The following ENOX2 variants were observed in gnomAD, a reference collection of about 807,000 sequenced individuals.
ENOX2 encodes the protein APK1 antigen.
Under a neutral mutation model 45.0 loss-of-function variants are expected in ENOX2, and 36 were observed. The observed-to-expected ratio is 0.80, with a 90% CI of 0.61 to 1.06. ENOX2 has a LOEUF of 1.06. ENOX2 is among the 50% of genes least tolerant of loss of function. The probability of loss-of-function intolerance (pLI) is 0.00; values close to 1 mark genes in which losing one functional copy is unlikely to be tolerated. For missense variants in ENOX2, 423 were observed against 462.5 expected (o/e 0.91, Z 0.78); for synonymous variants, 174 against 152.3 (o/e 1.14, Z -1.05).
chrX:130,712,677 TG>T (rs1038677929), intron 3 of ENOX2, among the ~76,000 whole-genome samples: 5 of 111,760 alleles, frequency 4.5e-5, no homozygotes, highest in African/African-American at 1.6e-4. Flanking sequence ...TGCAAGATGC[TG>T]GAAGTATGCC....
intron 5 of ENOX2, among the ~76,000 whole-genome samples, chrX:130,686,380 A>G (rs1387901633): frequency 1.8e-5 from 2 of 111,325 alleles, no homozygotes; most frequent in Non-Finnish European, 3.8e-5. Flanking sequence ...CTGCCACACG[A>G]GACACCTCGC....
intron 2 of ENOX2, among the ~76,000 whole-genome samples, chrX:130,871,793 G>A (rs1234959427): frequency 1.8e-5 from 2 of 110,884 alleles, no homozygotes; most frequent in South Asian, 3.9e-4. Context: ...CTAAGCCACC[G>A]AGGAACAGAA....
At chrX:130,684,520 T>C (rs894942835) in intron 5 of ENOX2, among the ~76,000 whole-genome samples, 1 of 111,911 alleles carries the variant, frequency 8.9e-6, no homozygotes, top group African/African-American at 3.3e-5. Flanking sequence ...TTGGAAGTCA[T>C]TAGCATGTAG....
intron 10 of ENOX2, among the ~76,000 whole-genome samples, chrX:130,641,718 CA>C (rs753792308): frequency 0.15 from 5,299 of 34,724 alleles, 89 homozygotes; most frequent in East Asian, 0.24. Context: ...ACTCCATCTC[CA>C]AAAAAAAAAA....
chrX:130,703,831 C>G (rs1270215529), intron 3 of ENOX2, among the ~76,000 whole-genome samples: 1 of 111,163 alleles, frequency 9.0e-6, no homozygotes, highest in Non-Finnish European at 1.9e-5. Flanking sequence ...TGAGAAAAAG[C>G]AGACTAGAGA....
chrX:130,762,946 G>A (rs1026541761), intron 3 of ENOX2, among the ~76,000 whole-genome samples: 4 of 111,107 alleles, frequency 3.6e-5, no homozygotes, highest in Non-Finnish European at 7.6e-5. Context: ...TATAGTTATG[G>A]ATTTGTCTAA....
chrX:130,900,498 C>T (rs147079521), intron 2 of ENOX2, among the ~76,000 whole-genome samples: 5,673 of 111,948 alleles, frequency 0.051, 371 homozygotes, highest in African/African-American at 0.17. Flanking sequence ...CAGCCCCAAC[C>T]TCTTTCCAGA....
At chrX:130,772,765 C>T (rs768354261) in intron 3 of ENOX2, among the ~76,000 whole-genome samples, 1 of 112,149 alleles carries the variant, frequency 8.9e-6, no homozygotes, top group African/African-American at 3.2e-5. Context: ...CTCCTCCCCA[C>T]GAAGCTTCCT....
At chrX:130,666,518 G>C (rs892699439) in intron 8 of ENOX2, among the ~76,000 whole-genome samples, 1 of 111,562 alleles carries the variant, frequency 9.0e-6, no homozygotes, top group African/African-American at 3.3e-5. Flanking sequence ...CTGTCTGGTT[G>C]GGTGTTCACA....
At chrX:130,877,036 ATAAAATTCTTT>A in intron 2 of ENOX2, among the ~76,000 whole-genome samples, 1 of 111,907 alleles carries the variant, frequency 8.9e-6, no homozygotes, top group Non-Finnish European at 1.9e-5. Flanking sequence ...TCTTACAACC[ATAAAATTCTTT>A]TAAAATGCTT....
intron 2 of ENOX2, among the ~76,000 whole-genome samples, chrX:130,823,357 C>A (rs763606196): frequency 9.0e-6 from 1 of 110,897 alleles, no homozygotes; most frequent in Admixed American, 9.6e-5. Context: ...GATAAGGATT[C>A]GAGCCGAGAA....
chrX:130,642,353 G>A (rs9887115), intron 10 of ENOX2, among the ~76,000 whole-genome samples: 1,473 of 112,158 alleles, frequency 0.013, 22 homozygotes, highest in African/African-American at 0.045. Flanking sequence ...CCTGATAAAA[G>A]TTTAATGAAC....
At chrX:130,797,102 G>T (rs138865488) in intron 2 of ENOX2, among the ~76,000 whole-genome samples, 156 of 111,850 alleles carry the variant, frequency 1.4e-3, no homozygotes, top group African/African-American at 4.7e-3. Flanking sequence ...AAACAGCACT[G>T]TATGAGAGTT....
At chrX:130,690,855 A>G (rs1047237294) in intron 4 of ENOX2, among the ~76,000 whole-genome samples, 1 of 111,733 alleles carries the variant, frequency 8.9e-6, no homozygotes, top group Non-Finnish European at 1.9e-5. Context: ...AGGCAGCCCA[A>G]GCAAGCTAGG....
intron 3 of ENOX2, among the ~76,000 whole-genome samples, chrX:130,762,369 C>CT (rs1230053563): frequency 1.3e-4 from 14 of 111,701 alleles, no homozygotes; most frequent in Non-Finnish European, 2.3e-4. Flanking sequence ...GAGGCCAGGA[C>CT]TTTGAGACCA....
intron 2 of ENOX2, among the ~76,000 whole-genome samples, chrX:130,815,563 A>G (rs763196166): frequency 8.9e-6 from 1 of 112,603 alleles, no homozygotes; most frequent in Non-Finnish European, 1.9e-5. Context: ...CAGAAGCTCT[A>G]TAAGCCAGAA....
At chrX:130,763,885 G>A (rs894899487) in intron 3 of ENOX2, among the ~76,000 whole-genome samples, 6 of 110,421 alleles carry the variant, frequency 5.4e-5, no homozygotes, top group Admixed American at 3.8e-4. Context: ...GTGTGTGTCT[G>A]GTGTCTGGCT....
chrX:130,817,935 A>G (rs954797697), intron 2 of ENOX2, among the ~76,000 whole-genome samples: 3 of 111,904 alleles, frequency 2.7e-5, no homozygotes, highest in Non-Finnish European at 5.6e-5. Context: ...GGCAAGAGAA[A>G]GAAATAAAGG....
chrX:130,832,188 G>A (rs2077845032), intron 2 of ENOX2, among the ~76,000 whole-genome samples: 1 of 110,864 alleles, frequency 9.0e-6, no homozygotes, highest in Non-Finnish European at 1.9e-5. Context: ...TGGACAGAAA[G>A]AGAGACACAT....
Sources: allele counts gnomAD v4.1 joint callset (sites outside exome capture counted in the v4.1 genomes callset), GRCh38; gene constraint gnomAD v4.1.1; transcripts MANE v1.5; gene names NCBI Gene and HGNC (gene_info 2026-07-23, HGNC 2026-07-21).